The following ANKRD6 variants were observed in gnomAD, a reference collection of about 807,000 sequenced individuals.
The protein encoded by ANKRD6 is ankyrin repeat domain 6, also known as ankyrin repeat domain-containing protein 6.
Under a neutral mutation model 82.3 loss-of-function variants are expected in ANKRD6, and 56 were observed. The observed-to-expected ratio is 0.68, with a 90% CI of 0.55 to 0.85. The LOEUF (loss-of-function observed/expected upper bound fraction) is 0.85. Ranked by LOEUF, ANKRD6 falls within the 40% of genes least tolerant of loss-of-function variation. The pLI is 0.00. For missense variants in ANKRD6, 852 were observed against 907.6 expected (o/e 0.94, Z 0.79); for synonymous variants, 347 against 352.1 (o/e 0.99, Z 0.16).
At chr6:89,609,995 A>C (rs1583733383) in intron 5 of ANKRD6, among the ~76,000 whole-genome samples, 1 of 152,186 alleles carries the variant, frequency 6.6e-6, no homozygotes, top group African/African-American at 2.4e-5. Context: ...ATTTTGTACC[A>C]GCCATAGCCC....
At chr6:89,462,800 A>C (rs1169412351) in intron 1 of ANKRD6, among the ~76,000 whole-genome samples, 1 of 151,350 alleles carries the variant, frequency 6.6e-6, no homozygotes, top group African/African-American at 2.4e-5. Context: ...ATTTTTAGAG[A>C]TGTTTTTACA....
intron 2 of ANKRD6, among the ~76,000 whole-genome samples, chr6:89,575,627 A>G (rs1790944266): frequency 6.6e-6 from 1 of 152,190 alleles, no homozygotes; most frequent in Admixed American, 6.6e-5. Flanking sequence ...TTTCCCAATA[A>G]TGGGATTGTA....
intron 2 of ANKRD6, among the ~76,000 whole-genome samples, chr6:89,572,957 A>T (rs865839711): frequency 6.6e-6 from 1 of 151,984 alleles, no homozygotes; most frequent in African/African-American, 2.4e-5. Context: ...AGCTCTTCAC[A>T]GTTTGTTTGT....
chr6:89,489,209 G>A (rs1418189319), intron 1 of ANKRD6, among the ~76,000 whole-genome samples: 2 of 152,196 alleles, frequency 1.3e-5, no homozygotes. Flanking sequence ...GACTTGAAGA[G>A]CTTTGCTTTT....
intron 1 of ANKRD6, among the ~76,000 whole-genome samples, chr6:89,461,375 G>A (rs1475916557): frequency 6.6e-6 from 1 of 152,148 alleles, no homozygotes; most frequent in Non-Finnish European, 1.5e-5. Flanking sequence ...TTAGTTGATG[G>A]GAGAGAATAG....
intron 1 of ANKRD6, among the ~76,000 whole-genome samples, chr6:89,479,601 TTTTATTTA>T (rs529057283): frequency 4.9e-4 from 74 of 149,716 alleles, no homozygotes; most frequent in East Asian, 9.7e-4. Flanking sequence ...TATTTTTTAT[TTTTATTTA>T]TTTATTTATT....
At chr6:89,454,974 G>A (rs1213455743) in intron 1 of ANKRD6, among the ~76,000 whole-genome samples, 1 of 151,932 alleles carries the variant, frequency 6.6e-6, no homozygotes, top group Non-Finnish European at 1.5e-5. Context: ...CCGAGTAGCT[G>A]GAATTACAGG....
intron 1 of ANKRD6, among the ~76,000 whole-genome samples, chr6:89,492,252 C>T (rs541914500): frequency 9.9e-4 from 150 of 152,164 alleles, no homozygotes; most frequent in Non-Finnish European, 1.7e-3. Context: ...GGCCTGAGCG[C>T]GGATTTTGTG....
At chr6:89,451,587 CTGAT>C (rs1772825914) in intron 1 of ANKRD6, among the ~76,000 whole-genome samples, 1 of 152,142 alleles carries the variant, frequency 6.6e-6, no homozygotes, top group Admixed American at 6.5e-5. Flanking sequence ...GCTTTAAAAA[CTGAT>C]TGTTATTTTG....
intron 1 of ANKRD6, among the ~76,000 whole-genome samples, chr6:89,527,455 A>G (rs961390919): frequency 6.6e-6 from 1 of 151,842 alleles, no homozygotes; most frequent in Non-Finnish European, 1.5e-5. Context: ...ATAGCTGGGC[A>G]TGTTGCTGGG....
chr6:89,462,469 A>C, intron 1 of ANKRD6, among the ~76,000 whole-genome samples: 1 of 152,052 alleles, frequency 6.6e-6, no homozygotes, highest in East Asian at 1.9e-4. Context: ...TCTGAGCTGC[A>C]GGAGAGGGGA....
chr6:89,515,360 C>T (rs1369711183), intron 1 of ANKRD6, among the ~76,000 whole-genome samples: 1 of 152,218 alleles, frequency 6.6e-6, no homozygotes, highest in Non-Finnish European at 1.5e-5. Flanking sequence ...TTTGGCTTAC[C>T]TCTTTGCACC....
chr6:89,459,861 TTCTTTC>T (rs1486981730), intron 1 of ANKRD6, among the ~76,000 whole-genome samples: 1 of 152,126 alleles, frequency 6.6e-6, no homozygotes. Flanking sequence ...AGGCTCTATC[TTCTTTC>T]CATAAACATT....
Position 89,573,150 on chromosome 6 carries a change from G to C in ANKRD6, c.120+6054G>C, listed in dbSNP as rs151305538. On this transcript the variant is annotated intron_variant, in intron 2 of 15. Transcript: ENST00000339746. ...GCTGATAATAATGAGCAACTTCCTG[G>C]GCGATCCTACTGCCTCAGCCTCCCA... 2.3e-4 allele frequency among the ~76,000 whole-genome samples: 35 copies of C among 152,084 alleles called. No individual in the cohort carries two copies. In the East Asian group the frequency reaches 6.6e-3, roughly 29 times the overall value.
chr6:89,606,732 T>C (rs1022516807), intron 5 of ANKRD6, among the ~76,000 whole-genome samples: 4 of 151,758 alleles, frequency 2.6e-5, no homozygotes, highest in African/African-American at 9.7e-5. Context: ...GGCTCATGCC[T>C]GTAGTCCCAG....
At chr6:89,598,614 C>A (rs566728552) in intron 3 of ANKRD6, among the ~76,000 whole-genome samples, 1 of 152,246 alleles carries the variant, frequency 6.6e-6, no homozygotes, top group East Asian at 1.9e-4. Flanking sequence ...TATTTCAAAA[C>A]AAAGATTTAG....
intron 4 of ANKRD6, among the ~76,000 whole-genome samples, chr6:89,604,914 A>G (rs1373782238): frequency 6.6e-6 from 1 of 152,126 alleles, no homozygotes; most frequent in African/African-American, 2.4e-5. Flanking sequence ...TGGAGAATGC[A>G]CCTGCACTGA....
At chr6:89,501,459 T>G (rs1315237423) in intron 1 of ANKRD6, among the ~76,000 whole-genome samples, 1 of 152,234 alleles carries the variant, frequency 6.6e-6, no homozygotes, top group East Asian at 1.9e-4. Context: ...TCCTTAAGCT[T>G]ACTTAAACAT....
At position 89,632,884 on chromosome 6, in the gene ANKRD6, TACTC is replaced by T. The variant is rs1286718461; in HGVS notation, c.*1882_*1885del. On this transcript the variant is annotated 3_prime_UTR_variant, in exon 16 of 16. Transcript: ENST00000339746. ...CATCAATTTATTGAGAACTGCCTAA[TACTC>T]AAGAAATTAAATCCTGAGTTCAGTA... The T allele has an allele frequency of 1.3e-5, 2 of 152,348 alleles. No homozygotes were observed. The highest frequency in any genetic ancestry group is 4.8e-5 in the African/African-American group (2 of 41,586). 9.4% of individuals were successfully genotyped at this position (152,348 alleles called of 1,614,324 possible). A position where few individuals can be genotyped will look rare whatever the true frequency, so the allele number is the denominator to read the frequency against.
Sources: allele counts gnomAD v4.1 joint callset (sites outside exome capture counted in the v4.1 genomes callset), GRCh38; gene constraint gnomAD v4.1.1; transcripts MANE v1.5; gene names NCBI Gene and HGNC (gene_info 2026-07-23, HGNC 2026-07-21).